Variants in GSE1 observed in about 807,000 individuals in gnomAD.
GSE1 encodes Gse1 coiled-coil protein, also known as genetic suppressor element 1.
A neutral mutation model predicts 112.6 loss-of-function variants in GSE1; 32 were observed. The ratio of observed to expected loss-of-function variants is 0.28; its 90% CI spans 0.21 to 0.38. GSE1 has a LOEUF of 0.38. Ranked by LOEUF, GSE1 falls within the 10% of genes least tolerant of loss-of-function variation. The pLI is 1.00. For missense variants in GSE1, 2,348 were observed against 1,699.2 expected (o/e 1.38, Z -6.71); for synonymous variants, 1,115 against 735.6 (o/e 1.52, Z -8.35).
intron 1 of GSE1, among the ~76,000 whole-genome samples, chr16:85,351,049 C>A (rs542446449): frequency 6.6e-5 from 10 of 152,202 alleles, no homozygotes; most frequent in Non-Finnish European, 1.2e-4. Context: ...CAAGGTGCCA[C>A]TCTCATTGTA....
chr16:85,174,150 G>C (rs930490075), intron 1 of GSE1, among the ~76,000 whole-genome samples: 1 of 152,212 alleles, frequency 6.6e-6, no homozygotes, highest in Non-Finnish European at 1.5e-5. Context: ...CCAGAAGCAG[G>C]GGTGACCTGT....
Position 85,672,565 on chromosome 16 carries a change from C to A in GSE1, c.*26C>A. 6.6e-7 allele frequency: 1 copy of A among 1,517,520 alleles called. No individual in the cohort carries two copies. Among genetic ancestry groups the A allele is most frequent in the Non-Finnish European group, 9.0e-7 (1 of 1,112,540 alleles). 94.0% of individuals were successfully genotyped at this position (1,517,520 alleles called of 1,614,324 possible). On this transcript the variant is annotated 3_prime_UTR_variant, in exon 16 of 16. Transcript: ENST00000253458. ...CGGTTTCCCTTGCACTAGGCCGAAC[C>A]TATAGTATAGAAATATTATCTATTT...
intron 1 of GSE1, among the ~76,000 whole-genome samples, chr16:85,268,163 G>A (rs1389925858): frequency 6.6e-6 from 1 of 152,144 alleles, no homozygotes; most frequent in African/African-American, 2.4e-5. Flanking sequence ...GCCTTGGGGG[G>A]ATTGCTTGGG....
At chr16:85,255,391 T>A (rs1330062652) in intron 1 of GSE1, among the ~76,000 whole-genome samples, 1 of 150,328 alleles carries the variant, frequency 6.7e-6, no homozygotes, top group East Asian at 1.9e-4. Context: ...ATCTGTAAAG[T>A]AGGGGTGATG....
chr16:85,484,041 G>T (rs952742460), intron 2 of GSE1, among the ~76,000 whole-genome samples: 2 of 152,222 alleles, frequency 1.3e-5, no homozygotes, highest in East Asian at 1.9e-4. Context: ...CAGAGCTGGG[G>T]TTACCCCAGA....
chr16:85,508,655 A>G (rs999896685), intron 2 of GSE1, among the ~76,000 whole-genome samples: 2 of 152,202 alleles, frequency 1.3e-5, no homozygotes, highest in African/African-American at 4.8e-5. Context: ...ACACGTGGCA[A>G]TAGTTACCCA....
exon 1 of GSE1, chr16:85,170,226 G>A (rs919935525): frequency 6.1e-6 from 6 of 985,372 alleles, no homozygotes; most frequent in African/African-American, 1.7e-5. Flanking sequence ...GGCGCGCGGA[G>A]GAGGAGGGGC....
At chr16:85,656,245 C>G in intron 6 of GSE1, 98 bp from the exon 7 acceptor site, 1 of 1,455,250 alleles carries the variant, frequency 6.9e-7, no homozygotes, top group Non-Finnish European at 9.3e-7. Context: ...CAGATTAGCG[C>G]CCTGGCTCGT....
At chr16:85,387,791 G>A (rs2047719841) in intron 2 of GSE1, among the ~76,000 whole-genome samples, 1 of 152,248 alleles carries the variant, frequency 6.6e-6, no homozygotes, top group African/African-American at 2.4e-5. Flanking sequence ...TAGGTGATCA[G>A]TAAGTACTTA....
intron 1 of GSE1, among the ~76,000 whole-genome samples, chr16:85,585,592 T>C (rs2046654701): frequency 6.6e-6 from 1 of 152,210 alleles, no homozygotes; most frequent in South Asian, 2.1e-4. Flanking sequence ...TTTCCTGCCC[T>C]GTCCCAGCCC....
rs550402768 is a variant in GSE1, at chr16:85,501,629, G to A, written c.2465-132285G>A. ...AGGCTGGTCTCGAACCCCTGGCCTC[G>A]GCAACCCTCCCACCTCGGCCTCCCA... On this transcript the variant is annotated intron_variant, in intron 2 of 2. Coordinates refer to the GSE1 transcript ENST00000637419. 2.7e-3 allele frequency among the ~76,000 whole-genome samples: 412 copies of A among 151,170 alleles called. 3 individuals carry two copies. The highest frequency in any genetic ancestry group is 8.8e-3 in the African/African-American group (361 of 41,188).
chr16:85,190,982 C>A (rs949315619), intron 1 of GSE1, among the ~76,000 whole-genome samples: 1 of 152,198 alleles, frequency 6.6e-6, no homozygotes, highest in Admixed American at 6.5e-5. Flanking sequence ...TTTAGAATTA[C>A]AGAGTCTTGC....
intron 1 of GSE1, among the ~76,000 whole-genome samples, chr16:85,602,609 C>A (rs1240543073): frequency 6.6e-6 from 1 of 152,184 alleles, no homozygotes; most frequent in Admixed American, 6.5e-5. Flanking sequence ...TGTAGCCTAT[C>A]TCTGGGTGGT....
At chr16:85,198,939 C>A (rs929567797) in intron 1 of GSE1, among the ~76,000 whole-genome samples, 3 of 151,336 alleles carry the variant, frequency 2.0e-5, no homozygotes, top group Non-Finnish European at 4.4e-5. Flanking sequence ...CCACCACACC[C>A]GGCTAATTTT....
intron 2 of GSE1, among the ~76,000 whole-genome samples, chr16:85,495,404 C>T (rs1438599506): frequency 6.6e-6 from 1 of 152,044 alleles, no homozygotes; most frequent in African/African-American, 2.4e-5. Context: ...GGGTTTGAAG[C>T]TCAGATGAGA....
At chr16:85,258,717 G>A (rs981370529) in intron 1 of GSE1, among the ~76,000 whole-genome samples, 1 of 152,176 alleles carries the variant, frequency 6.6e-6, no homozygotes, top group East Asian at 1.9e-4. Flanking sequence ...GTCAGTGACC[G>A]CCCAGCGGGG....
chr16:85,526,158 C>T (rs1366527537), intron 2 of GSE1, among the ~76,000 whole-genome samples: 3 of 152,244 alleles, frequency 2.0e-5, no homozygotes, highest in African/African-American at 4.8e-5. Flanking sequence ...CATCTCTGCA[C>T]CCCCACCCTG....
intron 1 of GSE1, among the ~76,000 whole-genome samples, chr16:85,325,217 C>T (rs1034309838): frequency 6.6e-6 from 1 of 152,048 alleles, no homozygotes; most frequent in Non-Finnish European, 1.5e-5. Flanking sequence ...GATCCTCCCA[C>T]CTCAGTCTCT....
Position 85,661,632 on chromosome 16 carries a change from C to G in GSE1, c.2127C>G (p.Gly709=), listed in dbSNP as rs746691810. 8 of 1,611,240 alleles carry G rather than the reference C, an allele frequency of 5.0e-6. No homozygotes were observed. Among genetic ancestry groups the G allele is most frequent in the Middle Eastern group, 1.7e-4 (1 of 6,016 alleles). ...AGCTCAGCGGACCCCTGAAGCCTGG[C>G]TCGCCCTACCGGCCCCCAGTGCCAC... is the stretch of plus-strand genomic sequence containing the variant. ...FGELSGPLKP[G]SPYRPPVPRA... Residue 709 remains glycine (G), a synonymous_variant, in exon 9 of 16, where the codon GGC becomes GGG. Coordinates refer to ENST00000253458, the MANE Select transcript of GSE1 (RefSeq NM_014615.5).
Sources: gnomAD v4.1 joint callset for allele counts (sites outside exome capture counted in the v4.1 genomes callset) on GRCh38, gnomAD v4.1.1 for gene constraint, MANE v1.5 for transcripts, NCBI Gene and HGNC (gene_info 2026-07-23, HGNC 2026-07-21) for gene names.